The following NCAPD2 variants were observed in gnomAD, a reference collection of about 807,000 sequenced individuals.
The protein encoded by NCAPD2 is non-SMC condensin I complex subunit D2, also known as condensin complex subunit 1.
In NCAPD2, 100 loss-of-function variants were observed where a neutral mutation model predicts 164.5. The observed-to-expected ratio is 0.61, with a 90% CI of 0.52 to 0.72. NCAPD2 has a LOEUF of 0.72. Among genes scored for constraint, NCAPD2 ranks in the 30% least tolerant of loss-of-function variants. The pLI is 0.00. For synonymous variants in NCAPD2, 585 were observed against 642.6 expected (o/e 0.91, Z 1.36); for missense variants, 1,560 against 1,749.2 (o/e 0.89, Z 1.93).
chr12:6,516,894 G>A lies in NCAPD2; in HGVS notation c.1054G>A (p.Asp352Asn), dbSNP rs994613441. The stretch of plus-strand genomic sequence containing the variant: ...GATGGTGCTGCAGGTTCTCAGTGGC[G>A]ATCAACTGGAAGCAGCAGCCCGAGA... Reference protein sequence around the residue: ...AEMVLQVLSGDQLEAAARDTR... With the variant: ...AEMVLQVLSGNQLEAAARDTR... The change falls in exon 10 of 32, where the codon GAT becomes AAT. Residue 352 changes from aspartate to asparagine, a missense_variant. Coordinates refer to ENST00000315579, the MANE Select transcript of NCAPD2 (RefSeq NM_014865.4). 3.7e-6 allele frequency: 6 copies of A among 1,614,120 alleles called. No individual in the cohort carries two copies. The highest frequency in any genetic ancestry group is 5.1e-6 in the Non-Finnish European group (6 of 1,180,020).
Position 6,517,929 on chromosome 12 carries a change from T to C in NCAPD2, c.1559T>C (p.Ile520Thr), listed in dbSNP as rs778368343. 17 of 1,613,856 alleles carry C rather than the reference T, an allele frequency of 1.1e-5. No individual in the cohort carries two copies. The highest frequency in any genetic ancestry group is 1.3e-5 in the Non-Finnish European group (15 of 1,180,048). Residue 520 changes from isoleucine (I) to threonine (T), a missense_variant, in exon 13 of 32, where the codon ATC (isoleucine) becomes ACC (threonine). Coordinates refer to ENST00000315579, the MANE Select transcript of NCAPD2 (RefSeq NM_014865.4). ...TETTEDVKGR[I>T]YQLLAKASYK... The stretch of plus-strand genomic sequence containing the variant: ...ACAACTGAAGATGTGAAAGGACGCA[T>C]CTATCAACTGCTTGCCAAAGCTAGT...
chr12:6,519,398 G>T (rs1419103912), intron 13 of NCAPD2, among the ~76,000 whole-genome samples: 2 of 152,144 alleles, frequency 1.3e-5, no homozygotes, highest in African/African-American at 4.8e-5. Context: ...GCCCAGGCTG[G>T]AGTACAGTAG....
At chr12:6,508,269 A>G (rs1592168104) in intron 2 of NCAPD2, among the ~76,000 whole-genome samples, 1 of 152,170 alleles carries the variant, frequency 6.6e-6, no homozygotes, top group East Asian at 1.9e-4. Context: ...CCAGGAGGTC[A>G]AGGCTACAGT....
intron 29 of NCAPD2, 110 bp downstream of exon 29, chr12:6,530,068 C>G: frequency 1.6e-6 from 2 of 1,259,054 alleles, no homozygotes; most frequent in African/African-American, 1.5e-5. Flanking sequence ...CCTCCTTATC[C>G]CCAGCTGGGT....
chr12:6,529,405 C>T, intron 27 of NCAPD2, 108 bp from the exon 28 acceptor site: 1 of 996,506 alleles, frequency 1.0e-6, no homozygotes, highest in Non-Finnish European at 1.6e-6. Context: ...GGGGCCGTGG[C>T]AGAGAACATC....
chr12:6,521,206 C>A, intron 14 of NCAPD2, 96 bp downstream of exon 14: 1 of 1,459,840 alleles, frequency 6.9e-7, no homozygotes, highest in Non-Finnish European at 9.3e-7. Context: ...TTAACAGAAC[C>A]TGGTGCTGAA....
chr12:6,530,842 G>A lies in NCAPD2; in HGVS notation c.3964+25G>A, dbSNP rs71579328. 1.4e-3 allele frequency: 2,297 copies of A among 1,614,130 alleles called. 4 individuals carry two copies. The highest frequency in any genetic ancestry group is 2.5e-3 in the Middle Eastern group (15 of 6,062). On this transcript the variant is annotated intron_variant, in intron 30 of 31. Coordinates refer to ENST00000315579, the MANE Select transcript of NCAPD2 (RefSeq NM_014865.4). ...GGTACGTAAGGCAGCCTGTGCGGGC[G>A]AGACCAGACTGGGCCCTCCCCTCCT...
At chr12:6,498,797 G>T (rs921643592) in intron 2 of NCAPD2, among the ~76,000 whole-genome samples, 1 of 151,968 alleles carries the variant, frequency 6.6e-6, no homozygotes, top group African/African-American at 2.4e-5. Flanking sequence ...TAGTAGAGAC[G>T]GGTTTCACCA....
rs777708419 is a variant in NCAPD2 at position 6,517,758 on chromosome 12, C to G, written c.1409-21C>G. The G allele has an allele frequency of 1.2e-6, 2 of 1,614,008 alleles. No individual in the cohort carries two copies. Among genetic ancestry groups the G allele is most frequent in the Non-Finnish European group, 1.7e-6 (2 of 1,180,002 alleles). ...CAGTCAGAAACTCTAGTGAAAGAGA[C>G]TAAGTGACACTCTCATTTAGCTGCA... On this transcript the variant is annotated intron_variant, in intron 12 of 31. Coordinates refer to ENST00000315579, the MANE Select transcript of NCAPD2 (RefSeq NM_014865.4).
At chr12:6,500,592 G>A (rs962530671) in intron 2 of NCAPD2, among the ~76,000 whole-genome samples, 1 of 152,136 alleles carries the variant, frequency 6.6e-6, no homozygotes, top group African/African-American at 2.4e-5. Flanking sequence ...CATGATCTGG[G>A]AGCTTATTAG....
rs200439617 is a variant in NCAPD2, at chr12:6,514,334, T to C, written c.657T>C (p.Thr219=). The C allele has an allele frequency of 2.8e-4, 455 of 1,614,130 alleles. 2 individuals are homozygous for C. Among genetic ancestry groups the C allele is most frequent in the Non-Finnish European group, 2.4e-4 (288 of 1,180,022 alleles). The stretch of plus-strand genomic sequence containing the variant: ...TTAATCACCAGAAGAACCGCCCCAC[T>C]CGGGAAGCCATAACACACCTGCTTG... ...PTINHQKNRP[T]REAITHLLGV... Residue 219 remains threonine, a synonymous_variant, in exon 7 of 32, where the codon ACT becomes ACC. Transcript: ENST00000315579.
In NCAPD2 at chr12:6,528,663, G is replaced by A. The variant is rs755386605; in HGVS notation, c.3300-16G>A. On this transcript the variant is annotated splice_polypyrimidine_tract_variant and intron_variant, in intron 25 of 31. Coordinates refer to ENST00000315579, the MANE Select transcript of NCAPD2 (RefSeq NM_014865.4). The surrounding 1 kb of genome is among the most constrained non-coding windows in gnomAD (Gnocchi z 5.1). ...CCGGAGGTCTCGGTCCCCATGACCC[G>A]CAATTCCATTCCTAGTCTCCGGGAC... 63 of 1,604,038 alleles carry A rather than the reference G, an allele frequency of 3.9e-5. No homozygotes were observed. Among genetic ancestry groups the A allele is most frequent in the Middle Eastern group, 3.3e-4 (2 of 6,042 alleles).
At chr12:6,497,903 C>T (rs1469135285) in intron 2 of NCAPD2, among the ~76,000 whole-genome samples, 1 of 150,324 alleles carries the variant, frequency 6.7e-6, no homozygotes, top group African/African-American at 2.5e-5. Context: ...AGGCGTGAGC[C>T]ACCGCGCCCA....
intron 2 of NCAPD2, among the ~76,000 whole-genome samples, chr12:6,506,962 ACTTT>A (rs1314169993): frequency 6.6e-6 from 1 of 152,232 alleles, no homozygotes; most frequent in Non-Finnish European, 1.5e-5. Context: ...TAGGTGCCTT[ACTTT>A]TCTCCAGTGA....
intron 13 of NCAPD2, among the ~76,000 whole-genome samples, chr12:6,518,949 G>A (rs113149415): frequency 0.011 from 1,623 of 149,152 alleles, 31 homozygotes; most frequent in African/African-American, 0.036. Flanking sequence ...GCAGTGGTGC[G>A]ATCTTGGCTC....
At chr12:6,530,041 T>TG (rs1946357203) in intron 29 of NCAPD2, 83 bp downstream of exon 29, 1 of 1,451,948 alleles carries the variant, frequency 6.9e-7, no homozygotes, top group Non-Finnish European at 9.4e-7. Flanking sequence ...ATACGGCTCT[T>TG]GCAGTCACCT....
chr12:6,531,340 G>T lies in NCAPD2; in HGVS notation c.4134G>T (p.Glu1378Asp), dbSNP rs1362150753. 6.8e-6 allele frequency: 11 copies of T among 1,613,670 alleles called. No homozygotes were observed. Among genetic ancestry groups the T allele is most frequent in the Non-Finnish European group, 9.3e-6 (11 of 1,179,936 alleles). The stretch of plus-strand genomic sequence containing the variant: ...TTCTTTGCATAGATCTTTCAGCAGA[G>T]ATGACAGAAGACGAGACACCCAAGA... ...DESSEEDLSA[E>D]MTEDETPKKT... is the part of the protein sequence containing the mutation. The change falls in exon 32 of 32, where the codon GAG becomes GAT. Residue 1378 changes from glutamate to aspartate, a missense_variant. By Grantham distance (45) the Glu-to-Asp change is conservative. Transcript: ENST00000315579. The surrounding 1 kb of genome is among the most constrained non-coding windows in gnomAD (Gnocchi z 4.1).
intron 15 of NCAPD2, 135 bp downstream of exon 15, chr12:6,522,172 A>G: frequency 1.0e-6 from 1 of 974,074 alleles, no homozygotes; most frequent in Non-Finnish European, 1.5e-6. Flanking sequence ...GGGCTCAGGC[A>G]ATTCTTCTGC....
At position 6,528,061 on chromosome 12, in the gene NCAPD2, C is replaced by T; in HGVS notation, c.3113C>T (p.Ser1038Leu). 1 of 1,614,248 alleles carries T rather than the reference C, an allele frequency of 6.2e-7. No homozygotes were observed. The highest frequency in any genetic ancestry group is 8.5e-7 in the Non-Finnish European group (1 of 1,180,046). Residue 1038 changes from serine (S) to leucine (L), a missense_variant, in exon 24 of 32, where the codon TCA becomes TTA. Coordinates refer to ENST00000315579, the MANE Select transcript of NCAPD2 (RefSeq NM_014865.4). This position sits in a 1 kb window ranked among gnomAD's most constrained non-coding sequence, Gnocchi z 5.1. ...AACCCAGACCTCTCTGCAGCTGCTT[C>T]ACTTGCCCTTGGCAAGTTCTGCATG... ...YSNPDLSAAA[S>L]LALGKFCMIS... is the part of the protein sequence containing the mutation.
Sources: allele counts gnomAD v4.1 joint callset (sites outside exome capture counted in the v4.1 genomes callset), GRCh38; gene constraint gnomAD v4.1.1; non-coding constraint Gnocchi (gnomAD v3.1); transcripts MANE v1.5; gene names NCBI Gene and HGNC (gene_info 2026-07-23, HGNC 2026-07-21).